The following RUBCN variants were observed in gnomAD, a reference collection of about 807,000 sequenced individuals.
RUBCN encodes the protein run domain Beclin-1-interacting and cysteine-rich domain-containing protein.
A neutral mutation model predicts 113.2 loss-of-function variants in RUBCN; 74 were observed. The observed-to-expected ratio is 0.65, with a 90% confidence interval of 0.54 to 0.79. The LOEUF (loss-of-function observed/expected upper bound fraction) is 0.79, where lower values mean the gene tolerates loss of function less well. RUBCN is among the 30% of genes least tolerant of loss of function. RUBCN has a pLI of 0.00. For missense variants in RUBCN, 1,109 were observed against 1,251.7 expected (o/e 0.89, Z 1.72); for synonymous variants, 480 against 490.0 (o/e 0.98, Z 0.27).
intron 18 of RUBCN, chr3:197,676,173 T>C (rs1164627833): frequency 3.2e-5 from 32 of 989,468 alleles, no homozygotes; most frequent in Non-Finnish European, 3.8e-5. Flanking sequence ...GAGAAGAAAG[T>C]AAATTATTCT....
Position 197,704,543 on chromosome 3 carries a change from T to C in RUBCN, c.462A>G (p.Thr154=). 1.9e-6 allele frequency: 3 copies of C among 1,614,094 alleles called. No individual in the cohort carries two copies. The highest frequency in any genetic ancestry group is 2.5e-6 in the Non-Finnish European group (3 of 1,179,954). The part of the protein sequence containing the change: ...GDRQYIRKFY[T]DAAFLLSDAH... Reference sequence around the variant, plus strand: ...CAGTCCTAAGTGGCCTCTACCTACCTGTGTAGAATTTTCTGATATACTGTC... The same window carrying C: ...CAGTCCTAAGTGGCCTCTACCTACCCGTGTAGAATTTTCTGATATACTGTC... The change falls in exon 4 of 20, where the codon ACA becomes ACG. Residue 154 remains threonine (T), a splice_region_variant and synonymous_variant. Transcript: ENST00000296343.
Position 197,703,544 on chromosome 3 carries a change from G to A in RUBCN, c.570+4C>T, listed in dbSNP as rs1167642944. The A allele has an allele frequency of 1.9e-6, 3 of 1,597,974 alleles. No individual in the cohort carries two copies. Among genetic ancestry groups the A allele is most frequent in the Non-Finnish European group, 2.6e-6 (3 of 1,166,358 alleles). ...AGACGTGGATAATTCCTTGTCCCCTGTACCATGGACGCATCGATCTGAGCC... is the reference window on the plus strand; with the variant it reads ...AGACGTGGATAATTCCTTGTCCCCTATACCATGGACGCATCGATCTGAGCC... On this transcript the variant is annotated splice_donor_region_variant and intron_variant, in intron 5 of 19. Transcript: ENST00000296343.
At chr3:197,702,454 G>A (rs2108908385) in intron 5 of RUBCN, among the ~76,000 whole-genome samples, 1 of 152,300 alleles carries the variant, frequency 6.6e-6, no homozygotes, top group East Asian at 1.9e-4. Context: ...CTTGAGGTCA[G>A]GAGATCGAGA....
chr3:197,710,100 G>A (rs947572491), intron 2 of RUBCN, among the ~76,000 whole-genome samples: 8 of 151,620 alleles, frequency 5.3e-5, no homozygotes, highest in African/African-American at 1.7e-4. Context: ...AACCCAGGAG[G>A]CGGAGGTTGC....
At chr3:197,694,272 A>T in intron 10 of RUBCN, 103 bp downstream of exon 10, 1 of 986,382 alleles carries the variant, frequency 1.0e-6, no homozygotes, top group Non-Finnish European at 1.6e-6. Flanking sequence ...AAGTAGGACT[A>T]CATAGAAACA....
At chr3:197,743,515 G>A (rs1468916167) in intron 1 of RUBCN, among the ~76,000 whole-genome samples, 1 of 152,232 alleles carries the variant, frequency 6.6e-6, no homozygotes, top group East Asian at 1.9e-4. Flanking sequence ...TACAACAAAG[G>A]AAAAGGGCAA....
chr3:197,707,822 G>A (rs185938885), intron 2 of RUBCN, among the ~76,000 whole-genome samples: 1,852 of 151,948 alleles, frequency 0.012, 45 homozygotes, highest in African/African-American at 0.043. Context: ...AAAATTAGCC[G>A]GGCATGGGGC....
intron 11 of RUBCN, among the ~76,000 whole-genome samples, chr3:197,690,363 G>A (rs1722288954): frequency 1.3e-5 from 2 of 152,174 alleles, no homozygotes; most frequent in Admixed American, 6.5e-5. Context: ...GCTTGAAACC[G>A]GAAGGCAGAG....
chr3:197,748,698 A>C (rs1427728296), intron 1 of RUBCN, among the ~76,000 whole-genome samples: 1 of 152,216 alleles, frequency 6.6e-6, no homozygotes, highest in Non-Finnish European at 1.5e-5. Context: ...TGTCACTGCA[A>C]GCTTTGCTTT....
chr3:197,674,462 C>A lies in RUBCN; in HGVS notation c.*556G>T. On this transcript the variant is annotated 3_prime_UTR_variant, in exon 20 of 20. Transcript: ENST00000296343. Reference sequence around the variant, plus strand: ...AGGATAGTCAGGATTGTTCTGTGGCCCCCAAAATACCCAAATAAGTGGACG... The same window carrying A: ...AGGATAGTCAGGATTGTTCTGTGGCACCCAAAATACCCAAATAAGTGGACG... The A allele has an allele frequency of 2.3e-6, 1 of 431,638 alleles. No homozygotes were observed. Among genetic ancestry groups the A allele is most frequent in the African/African-American group, 2.1e-5 (1 of 47,070 alleles). 26.7% of individuals were successfully genotyped at this position (431,638 alleles called of 1,614,324 possible).
intron 16 of RUBCN, among the ~76,000 whole-genome samples, chr3:197,679,181 G>C (rs1720871043): frequency 6.8e-6 from 1 of 147,424 alleles, no homozygotes; most frequent in African/African-American, 2.5e-5. Flanking sequence ...GCTTCAGACT[G>C]TCCTACGCTC....
Position 197,676,909 on chromosome 3 carries a change from C to A in RUBCN, c.2622G>T (p.Gly874=). The A allele has an allele frequency of 6.2e-7, 1 of 1,614,174 alleles. No homozygotes were observed. The highest frequency in any genetic ancestry group is 2.2e-5 in the East Asian group (1 of 44,880). Residue 874 remains glycine, a synonymous_variant, in exon 18 of 20, where the codon GGG becomes GGT. Coordinates refer to ENST00000296343, the MANE Select transcript of RUBCN (RefSeq NM_014687.4). The stretch of plus-strand genomic sequence containing the variant: ...CCATGCATCTCTCCACATGGGTAGC[C>A]CCTGCCCTGGTGAGCTCAGCAAGCC... ...GPRLAELTRA[G]ATHVERCMLC... is the part of the protein sequence containing the mutation.
At chr3:197,737,019 G>A (rs1458389927), upstream of RUBCN, 1 of 1,022,480 alleles carries the variant, frequency 9.8e-7, no homozygotes, top group Non-Finnish European at 1.2e-6. Flanking sequence ...CCCCTCCAAC[G>A]GCAGGCCGCT....
intron 1 of RUBCN, among the ~76,000 whole-genome samples, chr3:197,724,577 G>C (rs1054459016): frequency 5.3e-5 from 8 of 152,140 alleles, no homozygotes; most frequent in African/African-American, 1.9e-4. Flanking sequence ...TCTGGGACAG[G>C]CCCATGGATC....
At chr3:197,677,688 C>T in intron 16 of RUBCN, 147 bp from the exon 17 acceptor site, 3 of 695,752 alleles carry the variant, frequency 4.3e-6, no homozygotes, top group Non-Finnish European at 7.7e-6. Context: ...TGACAACTGG[C>T]TCCAGACTGT....
chr3:197,704,501 C>T (rs369258468), intron 4 of RUBCN, 41 bp downstream of exon 4: 107 of 1,596,384 alleles, frequency 6.7e-5, no homozygotes, highest in Middle Eastern at 3.3e-4. Flanking sequence ...TGGGTGACAA[C>T]GAGGAAGCAC....
At position 197,693,764 on chromosome 3, in the gene RUBCN, C is replaced by T; in HGVS notation, c.1737G>A (p.Gln579=). The T allele has an allele frequency of 6.2e-7, 1 of 1,614,126 alleles. No individual in the cohort carries two copies. The highest frequency in any genetic ancestry group is 2.2e-5 in the East Asian group (1 of 44,886). The change falls in exon 11 of 20, where the codon CAG becomes CAA. Residue 579 remains glutamine, a synonymous_variant. Transcript: ENST00000296343. The part of the protein sequence containing the change: ...SSQFSSRDSA[Q]LSDSGSADEV... The stretch of plus-strand genomic sequence containing the variant: ...CATCAGCAGAGCCAGAGTCAGAGAG[C>T]TGTGCCGAATCACGTGAGCTGAACT...
intron 1 of RUBCN, among the ~76,000 whole-genome samples, chr3:197,732,989 A>C (rs563121853): frequency 5.1e-4 from 77 of 152,228 alleles, no homozygotes; most frequent in Non-Finnish European, 9.3e-4. Flanking sequence ...TTGAATCCTC[A>C]GAACTTCTCA....
intron 1 of RUBCN, among the ~76,000 whole-genome samples, chr3:197,733,914 C>G (rs1333377585): frequency 6.6e-6 from 1 of 152,108 alleles, no homozygotes; most frequent in Non-Finnish European, 1.5e-5. Context: ...CTTATACTTC[C>G]GTTGTTACTA....
Sources: gnomAD v4.1 joint callset for allele counts (sites outside exome capture counted in the v4.1 genomes callset) on GRCh38, gnomAD v4.1.1 for gene constraint, MANE v1.5 for transcripts, NCBI Gene and HGNC (gene_info 2026-07-23, HGNC 2026-07-21) for gene names.